The following DENND4C variants were observed in gnomAD, a reference collection of about 807,000 sequenced individuals.
DENND4C encodes DENN domain-containing protein 4C.
Under a neutral mutation model 203.0 loss-of-function variants are expected in DENND4C, and 108 were observed. The observed-to-expected ratio is 0.53, with a 90% confidence interval of 0.46 to 0.62. The LOEUF (loss-of-function observed/expected upper bound fraction) is 0.62. DENND4C is among the 20% of genes least tolerant of loss of function. The probability of loss-of-function intolerance (pLI) is 0.00; values close to 1 mark genes in which losing one functional copy is unlikely to be tolerated. For synonymous variants in DENND4C, 871 were observed against 792.4 expected (o/e 1.10, Z -1.67); for missense variants, 2,481 against 2,301.2 (o/e 1.08, Z -1.60).
intron 15 of DENND4C, 29 bp downstream of exon 15, chr9:19,326,223 G>C: frequency 6.3e-7 from 1 of 1,583,852 alleles, no homozygotes; most frequent in Non-Finnish European, 8.5e-7. Context: ...AGAGCTTAAT[G>C]GCACAGCCTA....
chr9:19,336,186 A>AT, intron 18 of DENND4C, 84 bp from the exon 19 acceptor site: 44 of 1,021,442 alleles, frequency 4.3e-5, no homozygotes, highest in Non-Finnish European at 5.3e-5. Context: ...TATATATATA[A>AT]ACATACACAC....
At chr9:19,261,065 C>T (rs1392252944) in intron 1 of DENND4C, among the ~76,000 whole-genome samples, 1 of 151,974 alleles carries the variant, frequency 6.6e-6, no homozygotes, top group Non-Finnish European at 1.5e-5. Context: ...ATCTAGTTTC[C>T]TTCTTCTGCA....
At position 19,279,140 on chromosome 9, in the gene DENND4C, C is replaced by G. The variant is rs555562010; in HGVS notation, c.305+2661C>G. On this transcript the variant is annotated intron_variant, in intron 2 of 32. Coordinates refer to ENST00000434457, the MANE Select transcript of DENND4C (RefSeq NM_001330640.2). ...GGTCAAGGGATCAAGACCATCCTGG[C>G]CAACATGATGAAACCCCATCTCTAC... Among the ~76,000 whole-genome samples the G allele has an allele frequency of 4.9e-4, 43 of 87,088 alleles. 8 individuals carry two copies. Among genetic ancestry groups the G allele is most frequent in the Non-Finnish European group, 8.8e-4 (36 of 40,940 alleles). 57.1% of individuals were successfully genotyped at this position (87,088 alleles called of 152,430 possible). A position where few individuals can be genotyped will look rare whatever the true frequency, so the allele number is the denominator to read the frequency against.
intron 1 of DENND4C, among the ~76,000 whole-genome samples, chr9:19,262,261 AT>A (rs570704040): frequency 2.9e-4 from 43 of 150,792 alleles, no homozygotes; most frequent in Admixed American, 2.5e-3. Context: ...TAATTTTTGT[AT>A]TTTTAGTAGA....
chr9:19,359,638 T>A (rs1486768104), intron 28 of DENND4C, among the ~76,000 whole-genome samples: 1 of 150,598 alleles, frequency 6.6e-6, no homozygotes, highest in East Asian at 1.9e-4. Flanking sequence ...GAAATGGTTT[T>A]GGAGACCACA....
rs1488439850 is a variant in DENND4C at position 19,352,676 on chromosome 9, T to C, written c.4781+11T>C. The C allele has an allele frequency of 3.2e-6, 5 of 1,559,478 alleles. No homozygotes were observed. Among genetic ancestry groups the C allele is most frequent in the South Asian group, 2.4e-5 (2 of 83,110 alleles). ...GAGAGGTTCTGCAAGGTTAGTCTTA[T>C]AAAAGCTCTCTCAAGAAGTAAGTAC... On this transcript the variant is annotated intron_variant, in intron 26 of 32. Coordinates refer to ENST00000434457, the MANE Select transcript of DENND4C (RefSeq NM_001330640.2).
At chr9:19,309,414 C>T (rs1840324174) in intron 10 of DENND4C, among the ~76,000 whole-genome samples, 1 of 148,124 alleles carries the variant, frequency 6.8e-6, no homozygotes, top group African/African-American at 2.5e-5. Context: ...AAGAGCAAAA[C>T]TCCATCTCAA....
intron 31 of DENND4C, 34 bp downstream of exon 31, chr9:19,370,021 C>G: frequency 1.2e-6 from 2 of 1,608,854 alleles, no homozygotes; most frequent in Non-Finnish European, 1.7e-6. Context: ...TGCCACCACT[C>G]AGTCATTTCA....
rs746992252 is a variant in DENND4C at position 19,336,306 on chromosome 9, A to G, written c.2626A>G (p.Ser876Gly). The change falls in exon 19 of 33, where the codon AGT becomes GGT. Residue 876 changes from serine to glycine, a missense_variant. Transcript: ENST00000434457. ...GAGCCCGTGGCCTAGCAGTACCCGC[A>G]GTGGTATTTTCTTATGGACGAAGGT... ...LESPWPSSTR[S>G]GIFLWTKVRN... 1.9e-6 allele frequency: 3 copies of G among 1,613,922 alleles called. No individual in the cohort carries two copies. In the African/African-American group the frequency reaches 4.0e-5, roughly 22 times the overall value.
chr9:19,361,789 G>A lies in DENND4C; in HGVS notation c.5407-57G>A. 5 of 1,037,304 alleles carry A rather than the reference G, an allele frequency of 4.8e-6. No individual in the cohort carries two copies. The South Asian group carries it at 5.3e-5, about 11-fold the overall frequency. 64.3% of individuals were successfully genotyped at this position (1,037,304 alleles called of 1,614,324 possible). A position where few individuals can be genotyped will look rare whatever the true frequency, so the allele number is the denominator to read the frequency against. On this transcript the variant is annotated intron_variant, in intron 29 of 32. Coordinates refer to ENST00000434457, the MANE Select transcript of DENND4C (RefSeq NM_001330640.2). ...TGTTTTATATAATCAAGCTTCACTA[G>A]ATCTACTGGTAATTGTTATTCTCGG...
chr9:19,280,136 G>T (rs201247953), intron 2 of DENND4C, among the ~76,000 whole-genome samples: 3 of 43,032 alleles, frequency 7.0e-5, no homozygotes, highest in Non-Finnish European at 1.5e-4. Context: ...CTGCCTACCT[G>T]CCTGCCTTCC....
At chr9:19,325,883 G>T in intron 13 of DENND4C, 56 bp from the exon 14 acceptor site, 1 of 1,511,076 alleles carries the variant, frequency 6.6e-7, no homozygotes, top group South Asian at 1.2e-5. Flanking sequence ...AGATAAAAAT[G>T]TCTATTAAAT....
At chr9:19,290,568 G>T in intron 4 of DENND4C, 136 bp from the exon 5 acceptor site, 1 of 556,922 alleles carries the variant, frequency 1.8e-6, no homozygotes, top group Non-Finnish European at 2.8e-6. Context: ...TTATAGCAAG[G>T]GGGAAATCAA....
At chr9:19,293,109 A>C (rs535796569) in intron 5 of DENND4C, among the ~76,000 whole-genome samples, 2 of 152,194 alleles carry the variant, frequency 1.3e-5, no homozygotes, top group Non-Finnish European at 2.9e-5. Flanking sequence ...ATCATTTACA[A>C]TTTCTCCTGC....
chr9:19,336,647 AT>A, intron 19 of DENND4C, 38 bp from the exon 20 acceptor site: 1 of 1,536,226 alleles, frequency 6.5e-7, no homozygotes, highest in South Asian at 1.2e-5. Context: ...GAGATTATCA[AT>A]GCATGAGTTA....
chr9:19,369,806 GA>G (rs753611984), intron 30 of DENND4C, 30 bp from the exon 31 acceptor site: 23 of 1,300,268 alleles, frequency 1.8e-5, no homozygotes, highest in Middle Eastern at 2.0e-4. Context: ...AGTAATAATT[GA>G]AAAAAAACTT....
rs751022668 is a variant in DENND4C, at chr9:19,316,694, G to T, written c.1662G>T (p.Lys554Asn). ...PIEADFSWQK[K>N]MTQLEMEIQE... is the part of the protein sequence containing the mutation. ...AAGCAGATTTCTCCTGGCAAAAGAA[G>T]ATGACACAGCTTGAGATGGAAATTC... The change falls in exon 12 of 33, where the codon AAG (lysine) becomes AAT (asparagine). Residue 554 changes from lysine to asparagine, a missense_variant. Physicochemically the swap from Lys to Asn is moderately conservative, Grantham distance 94. Around this residue, in one of 3 missense-constraint regions of DENND4C, gnomAD observed 2,289 missense variants for 2,113.3 expected, o/e 1.08. Coordinates refer to ENST00000434457, the MANE Select transcript of DENND4C (RefSeq NM_001330640.2). The T allele has an allele frequency of 4.3e-6, 7 of 1,613,980 alleles. No homozygotes were observed. The highest frequency in any genetic ancestry group is 5.9e-6 in the Non-Finnish European group (7 of 1,180,012).
rs966647889 is a variant in DENND4C at position 19,358,429 on chromosome 9, G to A, written c.5160+269G>A. Among the ~76,000 whole-genome samples, 1 of 151,798 alleles carries A rather than the reference G, an allele frequency of 6.6e-6. No individual in the cohort carries two copies. Among genetic ancestry groups the A allele is most frequent in the Non-Finnish European group, 1.5e-5 (1 of 67,960 alleles). Reference sequence around the variant, plus strand: ...CTCATTCAGTTCTCTCTTTTTTTGAGATTATTTTGAAGCAAATTTCAAACA... The same window carrying A: ...CTCATTCAGTTCTCTCTTTTTTTGAAATTATTTTGAAGCAAATTTCAAACA... On this transcript the variant is annotated intron_variant, in intron 28 of 32. Transcript: ENST00000434457. This position sits in a 1 kb window ranked among gnomAD's most constrained non-coding sequence, Gnocchi z 4.8.
chr9:19,275,252 A>G (rs1379563665), intron 1 of DENND4C, among the ~76,000 whole-genome samples: 1 of 147,456 alleles, frequency 6.8e-6, no homozygotes, highest in African/African-American at 2.5e-5. Flanking sequence ...TGCAGGGATT[A>G]CAGGTGTGAG....
Sources: allele counts gnomAD v4.1 joint callset (sites outside exome capture counted in the v4.1 genomes callset), GRCh38; gene constraint gnomAD v4.1.1; regional missense constraint gnomAD v4.1.1; non-coding constraint Gnocchi (gnomAD v3.1); transcripts MANE v1.5; gene names NCBI Gene and HGNC (gene_info 2026-07-23, HGNC 2026-07-21).